RORA: variants seen among roughly 807,000 people sequenced by gnomAD.
The protein encoded by RORA is nuclear receptor ROR-alpha.
A neutral mutation model predicts 69.5 loss-of-function variants in RORA; 7 were observed. The ratio of observed to expected loss-of-function variants is 0.10; its 90% CI spans 0.06 to 0.19. RORA has a LOEUF of 0.19. RORA is among the 10% of genes least tolerant of loss of function. The pLI is 1.00. For missense variants in RORA, 457 were observed against 663.0 expected, an observed-to-expected ratio of 0.69 and a Z score of 3.41; for synonymous variants, 261 against 240.8, an observed-to-expected ratio of 1.08 and a Z score of -0.78.
chr15:60,536,673 T>C (rs1046261756), intron 2 of RORA, among the ~76,000 whole-genome samples: 2 of 152,386 alleles, frequency 1.3e-5, no homozygotes, highest in Admixed American at 6.5e-5. Context: ...CACAACCAAA[T>C]ATTTTCTTGA....
chr15:60,791,214 T>C (rs1447124149), intron 1 of RORA, among the ~76,000 whole-genome samples: 4 of 152,160 alleles, frequency 2.6e-5, no homozygotes, highest in African/African-American at 9.7e-5. Flanking sequence ...CTAGGTCATC[T>C]CATCTGTGAT....
chr15:60,685,016 C>A (rs559988417), intron 1 of RORA, among the ~76,000 whole-genome samples: 1 of 152,124 alleles, frequency 6.6e-6, no homozygotes, highest in Non-Finnish European at 1.5e-5. Context: ...TAAGATAATT[C>A]ACGTGGGGCA....
At chr15:61,104,994 C>T (rs977989843) in intron 1 of RORA, among the ~76,000 whole-genome samples, 11 of 112,372 alleles carry the variant, frequency 9.8e-5, no homozygotes, top group Non-Finnish European at 1.1e-4. Context: ...GATCATGAGG[C>T]GCCCCCCCCA....
At chr15:60,540,143 TCA>T (rs1470174136) in intron 2 of RORA, among the ~76,000 whole-genome samples, 1 of 152,228 alleles carries the variant, frequency 6.6e-6, no homozygotes, top group Non-Finnish European at 1.5e-5. Context: ...GTCATCTGAC[TCA>T]CAGAACTGCA....
intron 1 of RORA, among the ~76,000 whole-genome samples, chr15:60,768,481 T>A (rs2072022454): frequency 6.6e-6 from 1 of 152,232 alleles, no homozygotes; most frequent in African/African-American, 2.4e-5. Context: ...GAAACCAATA[T>A]GCCTCCAAAT....
rs192467986 is a variant in RORA, at chr15:60,831,708, C to T, written c.167-153022G>A. On this transcript the variant is annotated intron_variant, in intron 1 of 10. Coordinates refer to ENST00000335670, the MANE Select transcript of RORA (RefSeq NM_134261.3). The stretch of plus-strand genomic sequence containing the variant: ...AGTGCTTTTTCATCACGTCATTTCA[C>T]GACTCTTGAACTCAAAACCATTCCG... 2.0e-3 allele frequency among the ~76,000 whole-genome samples: 306 copies of T among 152,282 alleles called. 1 individual carries two copies. The highest frequency in any genetic ancestry group is 6.8e-3 in the African/African-American group (281 of 41,562).
At chr15:61,209,535 T>C (rs2140935446) in intron 1 of RORA, among the ~76,000 whole-genome samples, 1 of 152,370 alleles carries the variant, frequency 6.6e-6, no homozygotes, top group East Asian at 1.9e-4. Flanking sequence ...AAATGAATGT[T>C]TGTGTCCCCA....
chr15:61,027,634 G>T (rs1448791644), intron 1 of RORA, among the ~76,000 whole-genome samples: 1 of 152,160 alleles, frequency 6.6e-6, no homozygotes, highest in South Asian at 2.1e-4. Context: ...GTTACAACAA[G>T]TATGCTTTTA....
At chr15:60,562,463 T>C (rs2067594411) in intron 2 of RORA, among the ~76,000 whole-genome samples, 1 of 149,690 alleles carries the variant, frequency 6.7e-6, no homozygotes, top group South Asian at 2.1e-4. Flanking sequence ...TGAGACAGAG[T>C]CTTGCTCTGT....
chr15:60,684,560 T>A (rs1052205068), intron 1 of RORA, among the ~76,000 whole-genome samples: 2 of 152,152 alleles, frequency 1.3e-5, no homozygotes, highest in African/African-American at 4.8e-5. Context: ...GAGGTTGCAG[T>A]GAGTTGAGAT....
At chr15:60,713,546 C>T (rs970798424) in intron 1 of RORA, among the ~76,000 whole-genome samples, 5 of 152,278 alleles carry the variant, frequency 3.3e-5, no homozygotes, top group Non-Finnish European at 5.9e-5. Context: ...TAAAAATACA[C>T]GCCCCCGTAC....
intron 1 of RORA, among the ~76,000 whole-genome samples, chr15:61,201,210 T>C (rs1328074688): frequency 6.6e-6 from 1 of 152,198 alleles, no homozygotes; most frequent in Non-Finnish European, 1.5e-5. Context: ...GGCTGACCAA[T>C]CTTATCAAAT....
intron 2 of RORA, among the ~76,000 whole-genome samples, chr15:60,570,441 C>T (rs558474748): frequency 2.6e-5 from 4 of 152,246 alleles, no homozygotes; most frequent in Non-Finnish European, 2.9e-5. Context: ...GGTTATCCTC[C>T]TACCTCAGTC....
intron 1 of RORA, among the ~76,000 whole-genome samples, chr15:61,117,546 A>G (rs983335045): frequency 1.3e-5 from 2 of 152,198 alleles, no homozygotes; most frequent in Non-Finnish European, 2.9e-5. Flanking sequence ...TCATTTATAG[A>G]AACTGTAACC....
At chr15:61,137,732 A>G (rs890276341) in intron 1 of RORA, among the ~76,000 whole-genome samples, 5 of 152,234 alleles carry the variant, frequency 3.3e-5, no homozygotes, top group African/African-American at 1.2e-4. Context: ...ATCAATTTGC[A>G]TTACATTAAA....
intron 1 of RORA, among the ~76,000 whole-genome samples, chr15:60,909,097 A>G (rs1891627131): frequency 6.6e-6 from 1 of 152,192 alleles, no homozygotes; most frequent in African/African-American, 2.4e-5. Flanking sequence ...AACCCTGGAC[A>G]GCTCCGCCTG....
intron 1 of RORA, among the ~76,000 whole-genome samples, chr15:60,904,501 A>C (rs2140471868): frequency 6.6e-6 from 1 of 152,332 alleles, no homozygotes; most frequent in Middle Eastern, 3.4e-3. Flanking sequence ...CAACAGACTC[A>C]GCCACAAGTC....
At chr15:60,720,087 A>G (rs1285332039) in intron 1 of RORA, among the ~76,000 whole-genome samples, 1 of 152,164 alleles carries the variant, frequency 6.6e-6, no homozygotes, top group Non-Finnish European at 1.5e-5. Context: ...AAGAAGCACT[A>G]AACAGGAAGC....
At chr15:61,144,159 G>A (rs2079325112) in intron 1 of RORA, among the ~76,000 whole-genome samples, 2 of 152,178 alleles carry the variant, frequency 1.3e-5, no homozygotes, top group African/African-American at 2.4e-5. Flanking sequence ...AGAGTCATGT[G>A]CAGGTTTATT....
Sources: allele counts gnomAD v4.1 joint callset (sites outside exome capture counted in the v4.1 genomes callset), GRCh38; gene constraint gnomAD v4.1.1; transcripts MANE v1.5; gene names NCBI Gene and HGNC (gene_info 2026-07-23, HGNC 2026-07-21).